The following MMS19 variants were observed in gnomAD, a reference collection of about 807,000 sequenced individuals.
The protein encoded by MMS19 is MMS19 cytosolic iron-sulfur assembly component.
MMS19 carries 77 observed loss-of-function variants against 129.8 expected under a neutral mutation model. That is an observed-to-expected ratio of 0.59 (90% CI 0.49 to 0.72). The LOEUF (loss-of-function observed/expected upper bound fraction) is 0.72. Among genes scored for constraint, MMS19 ranks in the 30% least tolerant of loss-of-function variants. The pLI, the probability that MMS19 is intolerant of heterozygous loss-of-function variation, is 0.00. For synonymous variants in MMS19, 491 were observed against 502.8 expected (o/e 0.98, Z 0.31); for missense variants, 1,168 against 1,266.3 (o/e 0.92, Z 1.18).
At chr10:97,488,400 C>T (rs1589781381) in intron 1 of MMS19, among the ~76,000 whole-genome samples, 1 of 152,146 alleles carries the variant, frequency 6.6e-6, no homozygotes, top group African/African-American at 2.4e-5. Context: ...ATTCCAGGTA[C>T]ATATAGGCTT....
At chr10:97,492,815 C>T (rs767786461) in intron 1 of MMS19, among the ~76,000 whole-genome samples, 2 of 146,240 alleles carry the variant, frequency 1.4e-5, no homozygotes, top group Non-Finnish European at 3.0e-5. Flanking sequence ...GCCAAGATCG[C>T]GCCACTGCAC....
chr10:97,467,242 G>A (rs1001743692), intron 14 of MMS19, among the ~76,000 whole-genome samples: 2 of 152,210 alleles, frequency 1.3e-5, no homozygotes, highest in African/African-American at 2.4e-5. Context: ...GCCTACCAAA[G>A]TGCTGGGATT....
At chr10:97,480,682 A>G (rs1276880812) in intron 3 of MMS19, among the ~76,000 whole-genome samples, 1 of 152,120 alleles carries the variant, frequency 6.6e-6, no homozygotes, top group African/African-American at 2.4e-5. Flanking sequence ...CCTGGGTTCA[A>G]GCGATTCCTG....
chr10:97,458,533 A>G lies in MMS19; in HGVS notation c.*159T>C. 1.5e-6 allele frequency: 1 copy of G among 677,256 alleles called. No homozygotes were observed. Among genetic ancestry groups the G allele is most frequent in the East Asian group, 2.7e-5 (1 of 36,574 alleles). 42.0% of individuals were successfully genotyped at this position (677,256 alleles called of 1,614,324 possible). ...AAATCCACTAGAAATATGGACTCTT[A>G]TGTTCTTTGTACAGCCATGCAACAG... is the stretch of plus-strand genomic sequence containing the variant. On this transcript the variant is annotated 3_prime_UTR_variant, in exon 31 of 31. Transcript: ENST00000438925.
At chr10:97,484,998 C>T (rs200560014) in intron 1 of MMS19, among the ~76,000 whole-genome samples, 1 of 152,194 alleles carries the variant, frequency 6.6e-6, no homozygotes, top group Admixed American at 6.5e-5. Context: ...TGGTCTTGAA[C>T]TCATGGGCTC....
At chr10:97,497,953 G>C (rs1417329915) in intron 1 of MMS19, among the ~76,000 whole-genome samples, 1 of 152,208 alleles carries the variant, frequency 6.6e-6, no homozygotes, top group Non-Finnish European at 1.5e-5. Flanking sequence ...GCCTGGGTCC[G>C]AGTCCCACCT....
intron 8 of MMS19, among the ~76,000 whole-genome samples, chr10:97,473,318 G>A (rs2035123768): frequency 2.0e-5 from 3 of 152,088 alleles, no homozygotes; most frequent in Admixed American, 1.3e-4. Flanking sequence ...TTACAGGTGT[G>A]AGCCACTGCG....
intron 2 of MMS19, among the ~76,000 whole-genome samples, chr10:97,482,440 C>G (rs889404853): frequency 2.0e-5 from 3 of 152,004 alleles, no homozygotes; most frequent in African/African-American, 7.3e-5. Flanking sequence ...ACAAAGGTCA[C>G]GTGTGTGATT....
intron 20 of MMS19, 110 bp downstream of exon 20, chr10:97,462,473 C>A: frequency 1.3e-6 from 1 of 754,790 alleles, no homozygotes; most frequent in South Asian, 1.6e-5. Context: ...TTAACTGCAC[C>A]ACATTTACAT....
chr10:97,469,812 C>A lies in MMS19; in HGVS notation c.847-89G>T, dbSNP rs534409193. On this transcript the variant is annotated intron_variant, in intron 10 of 30. Transcript: ENST00000438925. ...CTCAGCATAATGGCACCTGAAGGAGCCCTGGTCTCAGCAGAAAAACCAGTT... is the reference window on the plus strand; with the variant it reads ...CTCAGCATAATGGCACCTGAAGGAGACCTGGTCTCAGCAGAAAAACCAGTT... 1.3e-5 allele frequency: 15 copies of A among 1,126,580 alleles called. No homozygotes were observed. In the African/African-American group the frequency reaches 1.5e-4, roughly 12 times the overall value. The allele number at this position is 1,126,580 out of a possible 1,614,324, so 69.8% of individuals were successfully genotyped here.
intron 1 of MMS19, among the ~76,000 whole-genome samples, chr10:97,493,153 AG>A (rs2039212483): frequency 6.6e-6 from 1 of 152,008 alleles, no homozygotes; most frequent in South Asian, 2.1e-4. Context: ...CTGCGACTAC[AG>A]GCACACCACC....
chr10:97,466,697 T>G (rs1052285515), intron 15 of MMS19, 79 bp downstream of exon 15: 2 of 1,603,104 alleles, frequency 1.2e-6, no homozygotes, highest in East Asian at 2.2e-5. Flanking sequence ...AAGAAGAGGA[T>G]AGTAAGGCTG....
intron 1 of MMS19, among the ~76,000 whole-genome samples, chr10:97,496,449 C>A (rs969803349): frequency 6.8e-6 from 1 of 148,060 alleles, no homozygotes; most frequent in Admixed American, 6.9e-5. Context: ...TAGGTCGAGG[C>A]TACAGTGAGC....
rs1192930730 is a variant in MMS19, at chr10:97,469,094, G to A, written c.935C>T (p.Thr312Met). The A allele has an allele frequency of 3.2e-6, 5 of 1,577,474 alleles. No homozygotes were observed. The highest frequency in any genetic ancestry group is 2.3e-5 in the East Asian group (1 of 43,156). ...CTCTGCCTCCACCCGCTCACTTGCC[G>A]TCTGGAACACCTGTCAGGGAGGGAT... ...WASIRREVFQ[T>M]ASERVEAEGL... Residue 312 changes from threonine to methionine, a missense_variant, in exon 12 of 31, where the codon ACG becomes ATG. Thr to Met is a moderately conservative substitution (Grantham distance 81, BLOSUM62 -1). This residue lies in a region of MMS19 where 831 missense variants were observed against 910.8 expected (regional missense o/e 0.91). Transcript: ENST00000438925.
chr10:97,472,920 C>T (rs1434102898), intron 8 of MMS19, among the ~76,000 whole-genome samples: 2 of 152,056 alleles, frequency 1.3e-5, no homozygotes, highest in Non-Finnish European at 2.9e-5. Flanking sequence ...TTCTCAGGTG[C>T]AATCATAGTG....
intron 8 of MMS19, among the ~76,000 whole-genome samples, chr10:97,475,774 A>AAC (rs1214786400): frequency 6.6e-6 from 1 of 152,078 alleles, no homozygotes; most frequent in Admixed American, 6.6e-5. Flanking sequence ...ACAAAAAAGA[A>AAC]ACACACACAC....
chr10:97,498,492 GCC>G (rs1359759299), upstream of MMS19: 1 of 1,481,226 alleles, frequency 6.8e-7, no homozygotes, highest in African/African-American at 1.4e-5. Context: ...GGGGCGGGGC[GCC>G]GGGGTCACGT....
At position 97,458,324 on chromosome 10, in the gene MMS19, T is replaced by C. The variant is rs1471308185; in HGVS notation, c.*368A>G. 6.2e-5 allele frequency: 12 copies of C among 192,132 alleles called. No individual in the cohort carries two copies. The highest frequency in any genetic ancestry group is 2.8e-4 in the African/African-American group (12 of 42,830). 11.9% of individuals were successfully genotyped at this position (192,132 alleles called of 1,614,324 possible). On this transcript the variant is annotated 3_prime_UTR_variant, in exon 31 of 31. Transcript: ENST00000438925. ...GTGGGGGAAATATCTGACAGCCCCATTACCAAAAGAAATCTTTATTCTTCA... is the reference window on the plus strand; with the variant it reads ...GTGGGGGAAATATCTGACAGCCCCACTACCAAAAGAAATCTTTATTCTTCA...
intron 1 of MMS19, among the ~76,000 whole-genome samples, chr10:97,492,241 C>T (rs1448244392): frequency 2.7e-5 from 4 of 150,126 alleles, no homozygotes; most frequent in East Asian, 1.9e-4. Flanking sequence ...GAGGCCGAGG[C>T]GGGCGGATCA....
Sources: allele counts gnomAD v4.1 joint callset (sites outside exome capture counted in the v4.1 genomes callset), GRCh38; gene constraint gnomAD v4.1.1; regional missense constraint gnomAD v4.1.1; transcripts MANE v1.5; gene names NCBI Gene and HGNC (gene_info 2026-07-23, HGNC 2026-07-21).